Variants in C3orf20 observed in about 807,000 individuals in gnomAD.
The protein encoded by C3orf20 is family with sequence similarity 149 member C.
Under a neutral mutation model 88.3 loss-of-function variants are expected in C3orf20, and 76 were observed. That is an observed-to-expected ratio of 0.86 (90% CI 0.72 to 1.04). C3orf20 has a LOEUF of 1.04. Among genes scored for constraint, C3orf20 ranks in the 50% least tolerant of loss-of-function variants. The probability of loss-of-function intolerance (pLI) is 0.00; values close to 1 mark genes in which losing one functional copy is unlikely to be tolerated. For missense variants in C3orf20, 1,056 were observed against 1,123.3 expected, an observed-to-expected ratio of 0.94 and a Z score of 0.86; for synonymous variants, 436 against 437.4, an observed-to-expected ratio of 1.00 and a Z score of 0.04.
At chr3:14,709,667 C>T (rs1474193878) in intron 7 of C3orf20, among the ~76,000 whole-genome samples, 1 of 152,080 alleles carries the variant, frequency 6.6e-6, no homozygotes, top group African/African-American at 2.4e-5. Context: ...TACTATGGTA[C>T]ATTACATTGA....
At chr3:14,704,667 G>T in intron 7 of C3orf20, 49 bp downstream of exon 7, 1 of 1,593,624 alleles carries the variant, frequency 6.3e-7, no homozygotes, top group Non-Finnish European at 8.5e-7. Flanking sequence ...CTCAACCCCA[G>T]AGAAGTCCAG....
intron 5 of C3orf20, among the ~76,000 whole-genome samples, chr3:14,692,587 T>C (rs2124911521): frequency 6.6e-6 from 1 of 152,302 alleles, no homozygotes; most frequent in African/African-American, 2.4e-5. Context: ...ATCAGATTAT[T>C]AGATTTTTTT....
intron 11 of C3orf20, 78 bp from the exon 12 acceptor site, chr3:14,728,361 G>C: frequency 6.3e-7 from 1 of 1,577,502 alleles, no homozygotes; most frequent in Non-Finnish European, 8.7e-7. Context: ...GGTGCACTTA[G>C]ATGTTTCCAG....
At chr3:14,748,386 C>T (rs1441504817) in intron 12 of C3orf20, among the ~76,000 whole-genome samples, 1 of 152,090 alleles carries the variant, frequency 6.6e-6, no homozygotes. Context: ...ATTTAGTCTG[C>T]TCTATACAGA....
chr3:14,729,640 A>G (rs897682584), intron 12 of C3orf20, among the ~76,000 whole-genome samples: 2 of 152,114 alleles, frequency 1.3e-5, no homozygotes, highest in Non-Finnish European at 2.9e-5. Context: ...TCTGCCTCCC[A>G]GGTTCAAGCG....
At chr3:14,731,535 GAC>G (rs2034541321) in intron 12 of C3orf20, among the ~76,000 whole-genome samples, 1 of 152,130 alleles carries the variant, frequency 6.6e-6, no homozygotes, top group Non-Finnish European at 1.5e-5. Flanking sequence ...ACAGTGAGAG[GAC>G]ACACCTAGCA....
chr3:14,754,268 T>C (rs985840035), intron 12 of C3orf20, among the ~76,000 whole-genome samples: 1 of 152,186 alleles, frequency 6.6e-6, no homozygotes, highest in Non-Finnish European at 1.5e-5. Flanking sequence ...GAGGGACTGC[T>C]CCAGCCCTGA....
At chr3:14,707,835 T>TTTTTG (rs2033581688) in intron 7 of C3orf20, among the ~76,000 whole-genome samples, 1 of 150,364 alleles carries the variant, frequency 6.7e-6, no homozygotes, top group Non-Finnish European at 1.5e-5. Flanking sequence ...TTTTTTTTTT[T>TTTTTG]TGAGACAGAG....
Position 14,727,008 on chromosome 3 carries a change from T to C in C3orf20, c.1674T>C (p.Ser558=). 6.2e-7 allele frequency: 1 copy of C among 1,614,208 alleles called. No homozygotes were observed. The highest frequency in any genetic ancestry group is 8.5e-7 in the Non-Finnish European group (1 of 1,180,036). Residue 558 remains serine (S), a synonymous_variant, in exon 11 of 17, where the codon TCT becomes TCC. Coordinates refer to ENST00000253697, the MANE Select transcript of C3orf20 (RefSeq NM_032137.5). ...AGACAGTGACTCAGTTCATTAATTCTATCTTGCTGGCCGCAGGTAAGGAGG... is the reference window on the plus strand; with the variant it reads ...AGACAGTGACTCAGTTCATTAATTCCATCTTGCTGGCCGCAGGTAAGGAGG... ...FQKTVTQFIN[S]ILLAAGLFTI... is the part of the protein sequence containing the mutation.
At chr3:14,722,593 A>C (rs764223169) in intron 10 of C3orf20, 19 of 456,346 alleles carry the variant, frequency 4.2e-5, no homozygotes, top group Middle Eastern at 3.2e-4. Context: ...CCCTCTGCTC[A>C]GCCCCCCTGG....
At chr3:14,710,438 G>A (rs780761338) in intron 7 of C3orf20, among the ~76,000 whole-genome samples, 1 of 151,966 alleles carries the variant, frequency 6.6e-6, no homozygotes, top group Non-Finnish European at 1.5e-5. Context: ...AGAAAATTGG[G>A]TTATTGATTT....
At chr3:14,767,822 C>G (rs1207136290) in intron 15 of C3orf20, among the ~76,000 whole-genome samples, 1 of 152,246 alleles carries the variant, frequency 6.6e-6, no homozygotes, top group African/African-American at 2.4e-5. Flanking sequence ...AACAGCAGAG[C>G]ACTCCGTAAG....
Position 14,772,245 on chromosome 3 carries a change from A to T in C3orf20, c.2630+44A>T. 6.2e-7 allele frequency: 1 copy of T among 1,613,618 alleles called. No individual in the cohort carries two copies. Among genetic ancestry groups the T allele is most frequent in the South Asian group, 1.1e-5 (1 of 91,018 alleles). On this transcript the variant is annotated intron_variant, in intron 16 of 16. Coordinates refer to ENST00000253697, the MANE Select transcript of C3orf20 (RefSeq NM_032137.5). The surrounding 1 kb of genome is among the most constrained non-coding windows in gnomAD (Gnocchi z 4.2). ...TGCCAGAATGGGCGTGGCTCACAGCAGGCCACCTCGGGGCTATTTGGCCTT... is the reference window on the plus strand; with the variant it reads ...TGCCAGAATGGGCGTGGCTCACAGCTGGCCACCTCGGGGCTATTTGGCCTT...
intron 12 of C3orf20, among the ~76,000 whole-genome samples, chr3:14,742,820 A>G (rs1460832297): frequency 6.6e-6 from 1 of 152,182 alleles, no homozygotes; most frequent in Non-Finnish European, 1.5e-5. Flanking sequence ...GGAAGAAGCA[A>G]AAGCAGAAAC....
At chr3:14,757,289 C>A (rs2035401484) in intron 12 of C3orf20, 82 bp from the exon 13 acceptor site, 2 of 1,261,410 alleles carry the variant, frequency 1.6e-6, no homozygotes, top group African/African-American at 1.5e-5. Context: ...GGGCCTTTGA[C>A]CAGCAGGAGC....
chr3:14,702,722 C>T (rs1286195665), intron 5 of C3orf20, among the ~76,000 whole-genome samples: 4 of 152,022 alleles, frequency 2.6e-5, no homozygotes, highest in Non-Finnish European at 5.9e-5. Context: ...ATTACAGGCA[C>T]GAGCCACCAT....
At chr3:14,707,818 C>CCCTTT (rs2033579536) in intron 7 of C3orf20, among the ~76,000 whole-genome samples, 2 of 39,166 alleles carry the variant, frequency 5.1e-5, no homozygotes, top group Admixed American at 2.7e-4. Context: ...CTGTGTTTTC[C>CCCTTT]TCTTTTTTTT....
chr3:14,748,471 CATT>C (rs1189216406), intron 12 of C3orf20, among the ~76,000 whole-genome samples: 1 of 152,032 alleles, frequency 6.6e-6, no homozygotes, highest in African/African-American at 2.4e-5. Flanking sequence ...TGACTCCAAT[CATT>C]ATTATTTTCT....
At position 14,703,193 on chromosome 3, in the gene C3orf20, C is replaced by T; in HGVS notation, c.809C>T (p.Ala270Val). The T allele has an allele frequency of 6.2e-7, 1 of 1,614,200 alleles. No homozygotes were observed. Reference sequence around the variant, plus strand: ...CTGCATCGAGGAGTGGGAACCCCTGCCAACAGCCTGGAGTTCAGCGACCCC... The same window carrying T: ...CTGCATCGAGGAGTGGGAACCCCTGTCAACAGCCTGGAGTTCAGCGACCCC... ...PPLHRGVGTP[A>V]NSLEFSDPCP... Residue 270 changes from alanine (A) to valine (V), a missense_variant, in exon 6 of 17, where the codon GCC becomes GTC. By Grantham distance (64) the Ala-to-Val change is moderately conservative. Transcript: ENST00000253697.
Sources: allele counts gnomAD v4.1 joint callset (sites outside exome capture counted in the v4.1 genomes callset), GRCh38; gene constraint gnomAD v4.1.1; non-coding constraint Gnocchi (gnomAD v3.1); transcripts MANE v1.5; gene names NCBI Gene and HGNC (gene_info 2026-07-23, HGNC 2026-07-21).